Variants in EHBP1 observed in about 807,000 individuals in gnomAD.
EHBP1 encodes EH domain-binding protein 1.
Under a neutral mutation model 144.0 loss-of-function variants are expected in EHBP1, and 55 were observed. The ratio of observed to expected loss-of-function variants is 0.38; its 90% CI spans 0.31 to 0.48. The LOEUF (loss-of-function observed/expected upper bound fraction) is 0.48. Among genes scored for constraint, EHBP1 ranks in the 20% least tolerant of loss-of-function variants. The pLI is 0.98. For missense variants in EHBP1, 1,200 were observed against 1,364.2 expected (o/e 0.88, Z 1.90); for synonymous variants, 469 against 472.7 (o/e 0.99, Z 0.10).
rs2051793078 is a variant in EHBP1, at chr2:62,884,889, A to G, written c.1185+10357A>G. 2.0e-5 allele frequency among the ~76,000 whole-genome samples: 3 copies of G among 152,316 alleles called. No homozygotes were observed. The South Asian group carries it at 6.2e-4, about 32-fold the overall frequency. On this transcript the variant is annotated intron_variant, in intron 10 of 22. Coordinates refer to ENST00000431489, the MANE Select transcript of EHBP1 (RefSeq NM_001142616.3). ...GATATTCTATTTAAGGAAGCAGGAA[A>G]ATGTGTTTTACATCAAAACATTTCT...
intron 11 of EHBP1, 61 bp downstream of exon 11, chr2:62,942,957 C>A: frequency 8.0e-7 from 1 of 1,246,008 alleles, no homozygotes; most frequent in Non-Finnish European, 1.1e-6. Context: ...TTGAAAAGAA[C>A]ATAAAATAAT....
At chr2:62,945,276 T>C (rs1257783722) in intron 12 of EHBP1, among the ~76,000 whole-genome samples, 1 of 152,228 alleles carries the variant, frequency 6.6e-6, no homozygotes, top group African/African-American at 2.4e-5. Flanking sequence ...TTCAGTATAA[T>C]TGATGTCTTT....
intron 1 of EHBP1, among the ~76,000 whole-genome samples, chr2:62,679,110 G>T (rs2033417285): frequency 6.6e-6 from 1 of 152,130 alleles, no homozygotes; most frequent in South Asian, 2.1e-4. Context: ...CCTATGCTTT[G>T]TATTTTATCA....
chr2:62,741,930 A>C (rs560480868), intron 2 of EHBP1, among the ~76,000 whole-genome samples: 3 of 152,226 alleles, frequency 2.0e-5, no homozygotes, highest in Non-Finnish European at 2.9e-5. Context: ...TGTTTTGGTC[A>C]ACAACAGACC....
chr2:62,814,622 A>G (rs1368627639), intron 5 of EHBP1, among the ~76,000 whole-genome samples: 1 of 152,144 alleles, frequency 6.6e-6, no homozygotes, highest in Non-Finnish European at 1.5e-5. Flanking sequence ...CTAGACTGAG[A>G]CTCTAGAAGG....
At chr2:62,918,490 A>G (rs542682621) in intron 10 of EHBP1, among the ~76,000 whole-genome samples, 2 of 152,300 alleles carry the variant, frequency 1.3e-5, no homozygotes, top group South Asian at 2.1e-4. Flanking sequence ...CAAGGCCCCA[A>G]AAGGAAACAT....
At chr2:62,712,465 T>G (rs1202008562) in intron 2 of EHBP1, among the ~76,000 whole-genome samples, 1 of 152,216 alleles carries the variant, frequency 6.6e-6, no homozygotes, top group Non-Finnish European at 1.5e-5. Context: ...TGATTATAAA[T>G]TTTAAGTGAA....
intron 1 of EHBP1, among the ~76,000 whole-genome samples, chr2:62,698,733 A>C (rs2034184981): frequency 6.6e-6 from 1 of 152,214 alleles, no homozygotes; most frequent in Admixed American, 6.5e-5. Flanking sequence ...CTTGCTGTGA[A>C]AAGAGAGGCC....
intron 5 of EHBP1, among the ~76,000 whole-genome samples, chr2:62,810,927 T>TA (rs1445023658): frequency 6.6e-6 from 1 of 152,196 alleles, no homozygotes; most frequent in East Asian, 1.9e-4. Context: ...AACTGGAGGT[T>TA]AGGGTTGCTT....
intron 4 of EHBP1, among the ~76,000 whole-genome samples, chr2:62,769,999 A>C (rs2041528598): frequency 6.6e-6 from 1 of 152,080 alleles, no homozygotes; most frequent in Admixed American, 6.6e-5. Flanking sequence ...CCTTTCTTAC[A>C]CCATATACAA....
chr2:62,943,420 C>CA (rs1475644263), intron 11 of EHBP1, among the ~76,000 whole-genome samples: 1 of 146,598 alleles, frequency 6.8e-6, no homozygotes, highest in African/African-American at 2.5e-5. Flanking sequence ...TCCTTAATCT[C>CA]AAAGAACTGA....
chr2:62,880,521 C>A (rs952581268), intron 10 of EHBP1, among the ~76,000 whole-genome samples: 1 of 151,874 alleles, frequency 6.6e-6, no homozygotes, highest in African/African-American at 2.4e-5. Flanking sequence ...GTCTAATATC[C>A]AAAATCCATA....
At chr2:62,718,469 T>C (rs1468052951) in intron 2 of EHBP1, among the ~76,000 whole-genome samples, 3 of 152,126 alleles carry the variant, frequency 2.0e-5, no homozygotes, top group African/African-American at 7.2e-5. Context: ...CACAAAAAGT[T>C]TTACAGGACA....
At chr2:62,997,123 T>C (rs1559044281) in intron 19 of EHBP1, among the ~76,000 whole-genome samples, 2 of 152,262 alleles carry the variant, frequency 1.3e-5, no homozygotes, top group East Asian at 3.9e-4. Flanking sequence ...GCTAAAGCCA[T>C]GTACTGCATG....
chr2:62,826,682 C>T (rs927792344), intron 6 of EHBP1: 2 of 152,856 alleles, frequency 1.3e-5, no homozygotes, highest in African/African-American at 4.8e-5. Flanking sequence ...CTTGCCAAAT[C>T]ATATTCCTTG....
chr2:62,694,493 C>A (rs1275755522), intron 1 of EHBP1, among the ~76,000 whole-genome samples: 1 of 148,974 alleles, frequency 6.7e-6, no homozygotes, highest in Non-Finnish European at 1.5e-5. Flanking sequence ...ATAGCACTCC[C>A]TCCCATGACA....
chr2:62,916,750 A>G (rs1440584848), intron 10 of EHBP1, among the ~76,000 whole-genome samples: 1 of 149,408 alleles, frequency 6.7e-6, no homozygotes, highest in Non-Finnish European at 1.5e-5. Context: ...TCATCAAAAT[A>G]TATTTTATAA....
chr2:63,043,682 A>G (rs1169838147), intron 21 of EHBP1, among the ~76,000 whole-genome samples: 1 of 151,126 alleles, frequency 6.6e-6, no homozygotes, highest in Non-Finnish European at 1.5e-5. Flanking sequence ...TTTGCTTTGG[A>G]GGGGGTCGGG....
intron 7 of EHBP1, chr2:62,858,570 T>G (rs1465875351): frequency 1.8e-6 from 2 of 1,098,660 alleles, no homozygotes; most frequent in Non-Finnish European, 1.4e-6. Context: ...TGTGACCTGC[T>G]ACCTCTTGAC....
Sources: allele counts gnomAD v4.1 joint callset (sites outside exome capture counted in the v4.1 genomes callset), GRCh38; gene constraint gnomAD v4.1.1; transcripts MANE v1.5; gene names NCBI Gene and HGNC (gene_info 2026-07-23, HGNC 2026-07-21).